Variants in TRMT11 observed in about 807,000 individuals in gnomAD.
The protein encoded by TRMT11 is tRNA (guanine(10)-N(2))-methyltransferase TRMT11.
A neutral mutation model predicts 62.8 loss-of-function variants in TRMT11; 53 were observed. That is an observed-to-expected ratio of 0.84 (90% CI 0.68 to 1.06). TRMT11 has a LOEUF of 1.06. Ranked by LOEUF, TRMT11 falls within the 50% of genes least tolerant of loss-of-function variation. The probability of loss-of-function intolerance (pLI) is 0.00; values close to 1 mark genes in which losing one functional copy is unlikely to be tolerated. For missense variants in TRMT11, 556 were observed against 553.4 expected (o/e 1.00, Z -0.05); for synonymous variants, 188 against 190.3 (o/e 0.99, Z 0.10).
intron 21 of TRMT11, among the ~76,000 whole-genome samples, chr6:126,142,799 C>T (rs561830799): frequency 5.3e-4 from 81 of 152,086 alleles, no homozygotes; most frequent in African/African-American, 1.8e-3. Flanking sequence ...CTGTTATGTC[C>T]CCAGCTCCAT....
At chr6:126,024,502 G>A (rs1435058477) in intron 12 of TRMT11, among the ~76,000 whole-genome samples, 1 of 152,134 alleles carries the variant, frequency 6.6e-6, no homozygotes, top group Non-Finnish European at 1.5e-5. Flanking sequence ...CAAACTCCTG[G>A]GCTCAAGCCA....
chr6:126,218,981 G>A, the TRMT11 span, among the ~76,000 whole-genome samples: 4,079 of 152,156 alleles, frequency 0.027, 174 homozygotes, highest in African/African-American at 0.092. Flanking sequence ...AGAGTGACAG[G>A]ACAGCACTAA....
At chr6:125,990,848 G>A (rs1790494901) in intron 1 of TRMT11, among the ~76,000 whole-genome samples, 1 of 151,816 alleles carries the variant, frequency 6.6e-6, no homozygotes, top group African/African-American at 2.4e-5. Context: ...TTACATTTCA[G>A]TTGTGAGGTG....
intron 3 of TRMT11, among the ~76,000 whole-genome samples, chr6:125,996,482 A>C (rs971679149): frequency 1.3e-5 from 2 of 152,222 alleles, no homozygotes. Flanking sequence ...GGTAGAGAAA[A>C]TAATTATGAG....
At chr6:125,991,364 C>T (rs1264963122) in intron 1 of TRMT11, among the ~76,000 whole-genome samples, 4 of 152,092 alleles carry the variant, frequency 2.6e-5, no homozygotes. Flanking sequence ...CATCCTCCCA[C>T]CTTAGCTTCC....
At chr6:126,103,117 C>T (rs1016229077) in intron 17 of TRMT11, among the ~76,000 whole-genome samples, 12 of 152,210 alleles carry the variant, frequency 7.9e-5, no homozygotes, top group African/African-American at 2.7e-4. Flanking sequence ...ATCGTAAACT[C>T]TTCCTGGGAC....
At chr6:126,267,058 C>G in the TRMT11 span, among the ~76,000 whole-genome samples, 1 of 152,208 alleles carries the variant, frequency 6.6e-6, no homozygotes, top group Admixed American at 6.5e-5. Context: ...GGTTTAGGCC[C>G]TGTTTCCACA....
At chr6:126,193,489 T>G (rs1047982827) in intron 1 of TRMT11, among the ~76,000 whole-genome samples, 1 of 134,302 alleles carries the variant, frequency 7.4e-6, no homozygotes, top group African/African-American at 3.2e-5. Context: ...AGCGTTTCTG[T>G]ATTTTTTTTT....
At chr6:126,240,831 C>A in the TRMT11 span, among the ~76,000 whole-genome samples, 2 of 152,248 alleles carry the variant, frequency 1.3e-5, no homozygotes, top group Non-Finnish European at 2.9e-5. Flanking sequence ...GGCAGGCAGG[C>A]CTCCTTGAGC....
chr6:126,085,744 A>G (rs959993989), intron 17 of TRMT11, among the ~76,000 whole-genome samples: 10 of 152,200 alleles, frequency 6.6e-5, no homozygotes, highest in Admixed American at 2.0e-4. Flanking sequence ...CATACTCTGT[A>G]TGATACTATC....
At chr6:126,151,812 TTCTTTCTTTCTTTC>T (rs1230371298) in intron 21 of TRMT11, among the ~76,000 whole-genome samples, 1 of 98,408 alleles carries the variant, frequency 1.0e-5, no homozygotes, top group Non-Finnish European at 2.2e-5. Context: ...TGTCTTTTCT[TTCTTTCTTTCTTTC>T]TTTCTTTCTT....
At chr6:126,230,151 A>G in the TRMT11 span, among the ~76,000 whole-genome samples, 1 of 152,208 alleles carries the variant, frequency 6.6e-6, no homozygotes, top group African/African-American at 2.4e-5. Context: ...ACTTACTTAC[A>G]GGGATGGTCC....
chr6:126,010,838 C>G (rs904086896), intron 8 of TRMT11, among the ~76,000 whole-genome samples: 1 of 152,034 alleles, frequency 6.6e-6, no homozygotes, highest in South Asian at 2.1e-4. Flanking sequence ...TTTTGCCTCC[C>G]TTCCTCATGG....
intron 21 of TRMT11, among the ~76,000 whole-genome samples, chr6:126,159,021 C>T (rs1340736362): frequency 6.6e-6 from 1 of 152,120 alleles, no homozygotes; most frequent in African/African-American, 2.4e-5. Flanking sequence ...TGCTACTGTG[C>T]AGATGTGGGT....
chr6:126,068,731 C>G (rs900937822), intron 17 of TRMT11, among the ~76,000 whole-genome samples: 1 of 152,192 alleles, frequency 6.6e-6, no homozygotes, highest in Admixed American at 6.5e-5. Context: ...ATCGGCTATT[C>G]TTAACTCTTT....
At position 126,124,416 on chromosome 6, in the gene TRMT11, A is replaced by T. The variant is rs189017463; in HGVS notation, c.*1823+8561A>T. Reference sequence around the variant, plus strand: ...CTCTTTTTTAGTGCAGGTGTCATAGATTGCAATAACAGCACCAATTCTGCA... The same window carrying T: ...CTCTTTTTTAGTGCAGGTGTCATAGTTTGCAATAACAGCACCAATTCTGCA... On this transcript the variant is annotated intron_variant and NMD_transcript_variant, in intron 21 of 22. Transcript: ENST00000648977. Among the ~76,000 whole-genome samples the T allele has an allele frequency of 1.2e-3, 179 of 152,122 alleles. 2 individuals are homozygous for T. The highest frequency in any genetic ancestry group is 4.3e-3 in the African/African-American group (178 of 41,542).
chr6:126,186,683 G>A (rs1010253903), intron 1 of TRMT11, among the ~76,000 whole-genome samples: 2 of 152,008 alleles, frequency 1.3e-5, no homozygotes, highest in African/African-American at 4.8e-5. Flanking sequence ...TGTTGTAGGA[G>A]TTTTGTTAAA....
chr6:126,119,077 C>T (rs1252515298), intron 21 of TRMT11, among the ~76,000 whole-genome samples: 1 of 152,026 alleles, frequency 6.6e-6, no homozygotes, highest in East Asian at 1.9e-4. Flanking sequence ...AAATATATGC[C>T]ATTCACTTCC....
intron 17 of TRMT11, among the ~76,000 whole-genome samples, chr6:126,081,258 C>T (rs1777152057): frequency 6.6e-6 from 1 of 152,184 alleles, no homozygotes; most frequent in African/African-American, 2.4e-5. Flanking sequence ...AATGCCTTTT[C>T]TTCCATACCA....
Sources: allele counts gnomAD v4.1 joint callset (sites outside exome capture counted in the v4.1 genomes callset), GRCh38; gene constraint gnomAD v4.1.1; transcripts MANE v1.5; gene names NCBI Gene and HGNC (gene_info 2026-07-23, HGNC 2026-07-21).